NRF1: variants seen among roughly 807,000 people sequenced by gnomAD.
NRF1 encodes the protein alpha palindromic-binding protein.
In NRF1, 5 loss-of-function variants were observed where a neutral mutation model predicts 58.5. That is an observed-to-expected ratio of 0.09 (90% CI 0.04 to 0.18). The LOEUF is 0.18. Among genes scored for constraint, NRF1 ranks in the 10% least tolerant of loss-of-function variants. NRF1 has a pLI of 1.00. For synonymous variants in NRF1, 224 were observed against 246.7 expected (o/e 0.91, Z 0.86); for missense variants, 288 against 657.7 (o/e 0.44, Z 6.15).
At chr7:129,686,196 AAG>A (rs1802440747) in intron 4 of NRF1, among the ~76,000 whole-genome samples, 1 of 151,954 alleles carries the variant, frequency 6.6e-6, no homozygotes, top group Non-Finnish European at 1.5e-5. Context: ...CTAAAGAAGG[AAG>A]AAGGTGAGCA....
At chr7:129,652,386 A>G (rs1045666181) in intron 1 of NRF1, among the ~76,000 whole-genome samples, 2 of 152,210 alleles carry the variant, frequency 1.3e-5, no homozygotes, top group African/African-American at 4.8e-5. Flanking sequence ...TTAGTGTACA[A>G]CTGAAGCACT....
At position 129,755,079 on chromosome 7, in the gene NRF1, C is replaced by T. The variant is rs199631371; in HGVS notation, c.1410C>T (p.Asn470=). 224 of 1,613,606 alleles carry T rather than the reference C, an allele frequency of 1.4e-4. No individual in the cohort carries two copies. In the Middle Eastern group the frequency reaches 1.8e-3, roughly 13 times the overall value. ...QTVVTSLAQG[N]GPVQVAMAPV... The stretch of plus-strand genomic sequence containing the variant: ...TGGTGACCAGCCTCGCCCAGGGCAA[C>T]GGACCAGTGCAGGTGGCCATGGCCC... The change falls in exon 11 of 11, where the codon AAC becomes AAT. Residue 470 remains asparagine (N), a synonymous_variant. Coordinates refer to ENST00000393232, the MANE Select transcript of NRF1 (RefSeq NM_005011.5). The surrounding 1 kb of genome is among the most constrained non-coding windows in gnomAD (Gnocchi z 5.8).
At position 129,657,378 on chromosome 7, in the gene NRF1, C is replaced by T. The variant is rs141379182; in HGVS notation, c.27C>T (p.Thr9=). The change falls in exon 2 of 11, where the codon ACC becomes ACT. Residue 9 remains threonine, a synonymous_variant. Transcript: ENST00000393232. ...TGGAGGAACACGGAGTGACCCAAAC[C>T]GAACATATGGCTACCATAGAAGCAC... MEEHGVTQ[T]EHMATIEAHA... 52 of 1,613,970 alleles carry T rather than the reference C, an allele frequency of 3.2e-5. 1 individual carries two copies. The South Asian group carries it at 3.6e-4, about 11-fold the overall frequency.
intron 10 of NRF1, among the ~76,000 whole-genome samples, chr7:129,749,653 CAA>C (rs1445823646): frequency 6.6e-6 from 1 of 151,968 alleles, no homozygotes; most frequent in Non-Finnish European, 1.5e-5. Context: ...GCAGGGGGCC[CAA>C]AGAGGACAGT....
intron 1 of NRF1, among the ~76,000 whole-genome samples, chr7:129,613,556 T>G (rs904580987): frequency 6.6e-6 from 1 of 151,886 alleles, no homozygotes; most frequent in African/African-American, 2.4e-5. Flanking sequence ...TAGGACTTAG[T>G]GGCTTTCAAC....
At chr7:129,620,019 T>C (rs979144627) in intron 1 of NRF1, among the ~76,000 whole-genome samples, 6 of 152,074 alleles carry the variant, frequency 3.9e-5, no homozygotes, top group African/African-American at 1.4e-4. Context: ...TATGAGATTT[T>C]TCAAGGGGGC....
intron 4 of NRF1, among the ~76,000 whole-genome samples, chr7:129,685,713 CAGT>C (rs1375350118): frequency 6.6e-6 from 1 of 151,716 alleles, no homozygotes; most frequent in Non-Finnish European, 1.5e-5. Flanking sequence ...TTATTTGTGT[CAGT>C]AGGAATTTAA....
intron 4 of NRF1, among the ~76,000 whole-genome samples, chr7:129,679,143 G>A (rs1466486007): frequency 6.6e-6 from 1 of 152,196 alleles, no homozygotes; most frequent in Non-Finnish European, 1.5e-5. Flanking sequence ...AATAATACAA[G>A]TGAGGCCAGT....
At chr7:129,714,890 A>G (rs1023992749) in intron 8 of NRF1, among the ~76,000 whole-genome samples, 1 of 152,198 alleles carries the variant, frequency 6.6e-6, no homozygotes, top group African/African-American at 2.4e-5. Context: ...GCACAAGGTA[A>G]CTACTCACTA....
chr7:129,728,434 A>G (rs1803499265), intron 10 of NRF1, among the ~76,000 whole-genome samples: 1 of 136,984 alleles, frequency 7.3e-6, no homozygotes, highest in African/African-American at 2.8e-5. Flanking sequence ...GCGCCACTGC[A>G]CTCCAACCTG....
chr7:129,646,290 A>G (rs1447471693), intron 1 of NRF1, among the ~76,000 whole-genome samples: 1 of 152,360 alleles, frequency 6.6e-6, no homozygotes, highest in East Asian at 1.9e-4. Context: ...TGAGGGTATG[A>G]GAATCCCGGA....
intron 10 of NRF1, among the ~76,000 whole-genome samples, chr7:129,749,119 T>C (rs994652053): frequency 3.2e-4 from 48 of 152,210 alleles, no homozygotes; most frequent in African/African-American, 8.9e-4. Flanking sequence ...CTGCCACCCA[T>C]GTAATGTGAT....
intron 8 of NRF1, 138 bp from the exon 9 acceptor site, chr7:129,717,080 CT>C: frequency 1.3e-6 from 1 of 755,436 alleles, no homozygotes; most frequent in East Asian, 2.9e-5. Flanking sequence ...GCTTAAAGCT[CT>C]GTTCTGTATA....
intron 8 of NRF1, among the ~76,000 whole-genome samples, chr7:129,715,344 C>A (rs1803162525): frequency 6.6e-6 from 1 of 152,146 alleles, no homozygotes; most frequent in Non-Finnish European, 1.5e-5. Flanking sequence ...AAAATGTTAG[C>A]ATGCCAAGAC....
At chr7:129,731,949 T>C (rs1470719121) in intron 10 of NRF1, among the ~76,000 whole-genome samples, 1 of 152,124 alleles carries the variant, frequency 6.6e-6, no homozygotes, top group Non-Finnish European at 1.5e-5. Context: ...ATCTCAATAC[T>C]CTTTTCATCT....
chr7:129,709,199 G>A lies in NRF1; in HGVS notation c.731G>A (p.Arg244Gln). The part of the protein sequence containing the change: ...WPEDIPWANV[R>Q]SDVRTEEQKQ... ...GAAGATATCCCCTGGGCAAATGTCC[G>A]GAGTGATGTCCGCACAGAAGAGCAA... is the stretch of plus-strand genomic sequence containing the variant. The change falls in exon 6 of 11, where the codon CGG becomes CAG. Residue 244 changes from arginine (R) to glutamine (Q), a missense_variant. Around this residue, in one of 3 missense-constraint regions of NRF1, gnomAD observed 212 missense variants for 559.7 expected, o/e 0.38. Coordinates refer to ENST00000393232, the MANE Select transcript of NRF1 (RefSeq NM_005011.5). 6.4e-7 allele frequency: 1 copy of A among 1,573,772 alleles called. No homozygotes were observed. Among genetic ancestry groups the A allele is most frequent in the Non-Finnish European group, 8.6e-7 (1 of 1,158,060 alleles).
intron 4 of NRF1, among the ~76,000 whole-genome samples, chr7:129,685,465 A>T (rs1236057629): frequency 6.6e-6 from 1 of 152,162 alleles, no homozygotes; most frequent in Non-Finnish European, 1.5e-5. Context: ...TCTGGTAATT[A>T]TAAAATGTTT....
At chr7:129,754,205 A>C (rs1340538798) in intron 10 of NRF1, among the ~76,000 whole-genome samples, 2 of 152,022 alleles carry the variant, frequency 1.3e-5, no homozygotes, top group Non-Finnish European at 2.9e-5. Flanking sequence ...TCACGCCTGT[A>C]ATCCCAGCTA....
Position 129,690,554 on chromosome 7 carries a change from G to C in NRF1, c.606+8G>C. On this transcript the variant is annotated splice_region_variant and intron_variant, in intron 5 of 10. Coordinates refer to ENST00000393232, the MANE Select transcript of NRF1 (RefSeq NM_005011.5). ...GTGGACAAAATGACCCAGGTGAGGG[G>C]TGGGAGGTGAGGAGGAGACTCAAAG... The C allele has an allele frequency of 6.2e-7, 1 of 1,614,158 alleles. No individual in the cohort carries two copies. The highest frequency in any genetic ancestry group is 2.2e-5 in the East Asian group (1 of 44,884).
Sources: allele counts gnomAD v4.1 joint callset (sites outside exome capture counted in the v4.1 genomes callset), GRCh38; gene constraint gnomAD v4.1.1; regional missense constraint gnomAD v4.1.1; non-coding constraint Gnocchi (gnomAD v3.1); transcripts MANE v1.5; gene names NCBI Gene and HGNC (gene_info 2026-07-23, HGNC 2026-07-21).